Variants in CSMD1 observed in about 807,000 individuals in gnomAD.
CSMD1 encodes the protein CUB and sushi domain-containing protein 1.
Under a neutral mutation model 417.5 loss-of-function variants are expected in CSMD1, and 213 were observed. The ratio of observed to expected loss-of-function variants is 0.51; its 90% CI spans 0.46 to 0.57. CSMD1 has a LOEUF of 0.57. Among genes scored for constraint, CSMD1 ranks in the 20% least tolerant of loss-of-function variants. CSMD1 has a pLI of 0.00. For missense variants in CSMD1, 6,923 were observed against 4,529.7 expected, an observed-to-expected ratio of 1.53 and a Z score of -15.17; for synonymous variants, 2,862 against 1,736.8, an observed-to-expected ratio of 1.65 and a Z score of -16.11.
At chr8:4,862,337 G>C (rs967378178) in intron 1 of CSMD1, among the ~76,000 whole-genome samples, 1 of 152,116 alleles carries the variant, frequency 6.6e-6, no homozygotes, top group African/African-American at 2.4e-5. Context: ...AAAATTATTA[G>C]AGGGCTTTGC....
chr8:4,098,677 A>T (rs934755111), intron 3 of CSMD1, among the ~76,000 whole-genome samples: 2 of 152,182 alleles, frequency 1.3e-5, no homozygotes, highest in African/African-American at 4.8e-5. Context: ...GTCTTACGGC[A>T]AATAAAGGTT....
chr8:4,095,819 T>C (rs1800978565), intron 3 of CSMD1, among the ~76,000 whole-genome samples: 1 of 152,246 alleles, frequency 6.6e-6, no homozygotes, highest in Non-Finnish European at 1.5e-5. Flanking sequence ...GTTTATTCAT[T>C]TGTTTTTGCA....
intron 3 of CSMD1, among the ~76,000 whole-genome samples, chr8:4,285,147 T>G (rs1272044369): frequency 1.3e-5 from 2 of 152,324 alleles, no homozygotes; most frequent in African/African-American, 4.8e-5. Flanking sequence ...GATATTTTGG[T>G]TGTCCACAAG....
chr8:3,081,130 T>C (rs1468387504), intron 49 of CSMD1, among the ~76,000 whole-genome samples: 1 of 152,212 alleles, frequency 6.6e-6, no homozygotes, highest in Admixed American at 6.5e-5. Flanking sequence ...CCACATGGTT[T>C]ATAAGATTGG....
chr8:4,493,314 G>T (rs1432616156), intron 2 of CSMD1, among the ~76,000 whole-genome samples: 2 of 152,102 alleles, frequency 1.3e-5, no homozygotes, highest in Non-Finnish European at 2.9e-5. Flanking sequence ...GAGAGTTTGT[G>T]CGTGTGTGTG....
intron 52 of CSMD1, among the ~76,000 whole-genome samples, chr8:3,017,033 C>A (rs1186833073): frequency 1.3e-5 from 2 of 152,196 alleles, no homozygotes; most frequent in African/African-American, 4.8e-5. Context: ...CCCAAAGCAC[C>A]AACGAAGGCC....
At chr8:3,446,641 G>C (rs1306129901) in intron 12 of CSMD1, among the ~76,000 whole-genome samples, 3 of 152,160 alleles carry the variant, frequency 2.0e-5, no homozygotes, top group African/African-American at 7.2e-5. Flanking sequence ...ACGCTGTTTG[G>C]GGAATCTAGT....
intron 12 of CSMD1, among the ~76,000 whole-genome samples, chr8:3,456,793 AG>A (rs1278419628): frequency 5.9e-5 from 9 of 152,088 alleles, no homozygotes; most frequent in Non-Finnish European, 1.3e-4. Flanking sequence ...TGCCCATTAT[AG>A]ATGAGGCTAC....
chr8:4,145,603 A>G (rs559676836), intron 3 of CSMD1, among the ~76,000 whole-genome samples: 41 of 150,816 alleles, frequency 2.7e-4, no homozygotes, highest in Non-Finnish European at 5.4e-4. Context: ...TGCATGGGCT[A>G]GTGTCAAAGT....
At chr8:3,873,704 A>AAAAT (rs1192628822) in intron 5 of CSMD1, among the ~76,000 whole-genome samples, 22 of 152,346 alleles carry the variant, frequency 1.4e-4, no homozygotes, top group East Asian at 1.4e-3. Context: ...ATAAAAGTTA[A>AAAAT]AAATAAATAA....
At chr8:3,460,022 C>T (rs1342214775) in intron 12 of CSMD1, among the ~76,000 whole-genome samples, 1 of 152,200 alleles carries the variant, frequency 6.6e-6, no homozygotes, top group African/African-American at 2.4e-5. Flanking sequence ...CCTGCAGCTT[C>T]TGCACAGCTG....
intron 3 of CSMD1, among the ~76,000 whole-genome samples, chr8:4,328,639 G>A (rs1024753206): frequency 6.8e-6 from 1 of 147,228 alleles, no homozygotes; most frequent in Non-Finnish European, 1.5e-5. Flanking sequence ...TACTTACCAA[G>A]AATAACATCA....
intron 3 of CSMD1, among the ~76,000 whole-genome samples, chr8:4,286,282 G>A (rs1021164291): frequency 1.3e-5 from 2 of 152,024 alleles, no homozygotes; most frequent in Non-Finnish European, 2.9e-5. Context: ...CTTCTACTTA[G>A]TGCTATCTGT....
At chr8:4,523,329 ACT>A (rs1241095956) in intron 2 of CSMD1, among the ~76,000 whole-genome samples, 1 of 151,870 alleles carries the variant, frequency 6.6e-6, no homozygotes, top group Non-Finnish European at 1.5e-5. Context: ...TACATAATAG[ACT>A]CAGCCTGGGC....
chr8:3,153,622 C>T (rs1819334226), intron 39 of CSMD1, among the ~76,000 whole-genome samples: 1 of 152,224 alleles, frequency 6.6e-6, no homozygotes, highest in African/African-American at 2.4e-5. Flanking sequence ...TTTTCACACA[C>T]ACATGCAGAG....
chr8:3,149,611 G>T (rs145446216), intron 40 of CSMD1, among the ~76,000 whole-genome samples: 1,916 of 152,260 alleles, frequency 0.013, 48 homozygotes, highest in African/African-American at 0.043. Flanking sequence ...CCAAGTAGTT[G>T]GGATTACAAG....
intron 3 of CSMD1, among the ~76,000 whole-genome samples, chr8:4,304,966 A>G (rs1176569010): frequency 2.6e-5 from 4 of 152,248 alleles, no homozygotes; most frequent in Non-Finnish European, 4.4e-5. Flanking sequence ...TTGCTACACT[A>G]ACGTCTGGAT....
At chr8:4,057,338 G>A (rs1257376400) in intron 3 of CSMD1, among the ~76,000 whole-genome samples, 3 of 152,174 alleles carry the variant, frequency 2.0e-5, no homozygotes, top group Admixed American at 6.5e-5. Flanking sequence ...CTTCTTTTGA[G>A]AAGTGTCTGT....
intron 8 of CSMD1, among the ~76,000 whole-genome samples, chr8:3,608,672 G>C (rs993145381): frequency 2.6e-5 from 4 of 151,070 alleles, no homozygotes; most frequent in African/African-American, 9.7e-5. Flanking sequence ...GCTGAGGCAG[G>C]AGAATTGCTT....
Sources: gnomAD v4.1 joint callset for allele counts (sites outside exome capture counted in the v4.1 genomes callset) on GRCh38, gnomAD v4.1.1 for gene constraint, MANE v1.5 for transcripts, NCBI Gene and HGNC (gene_info 2026-07-23, HGNC 2026-07-21) for gene names.